ACSS3: variants seen among roughly 807,000 people sequenced by gnomAD.
ACSS3 encodes the protein acyl-CoA synthetase short chain family member 3.
ACSS3 carries 64 observed loss-of-function variants against 84.2 expected under a neutral mutation model. That is an observed-to-expected ratio of 0.76 (90% CI 0.62 to 0.94). The LOEUF (loss-of-function observed/expected upper bound fraction) is 0.94, where lower values mean the gene tolerates loss of function less well. Among genes scored for constraint, ACSS3 ranks in the 40% least tolerant of loss-of-function variants. The pLI is 0.00. For synonymous variants in ACSS3, 317 were observed against 310.1 expected (o/e 1.02, Z -0.23); for missense variants, 815 against 867.6 (o/e 0.94, Z 0.76).
intron 2 of ACSS3, among the ~76,000 whole-genome samples, chr12:81,116,301 A>G (rs1162591132): frequency 6.6e-6 from 1 of 152,108 alleles, no homozygotes; most frequent in Non-Finnish European, 1.5e-5. Flanking sequence ...ATTTTAATAG[A>G]AAGTATAGGG....
intron 13 of ACSS3, among the ~76,000 whole-genome samples, chr12:81,240,727 G>A (rs1593233299): frequency 6.6e-6 from 1 of 151,882 alleles, no homozygotes; most frequent in East Asian, 1.9e-4. Flanking sequence ...TTAACTTGTT[G>A]TGGTGGTTGC....
chr12:81,148,303 A>AACATTT (rs1383044616), intron 5 of ACSS3, among the ~76,000 whole-genome samples: 2 of 152,206 alleles, frequency 1.3e-5, no homozygotes, highest in Non-Finnish European at 2.9e-5. Context: ...AACTGCACAC[A>AACATTT]ACATTTACAC....
At chr12:81,185,914 A>G (rs2031229447) in intron 8 of ACSS3, among the ~76,000 whole-genome samples, 1 of 151,872 alleles carries the variant, frequency 6.6e-6, no homozygotes, top group African/African-American at 2.4e-5. Flanking sequence ...ATTCTGAGAA[A>G]GAACAACAAA....
chr12:81,252,773 G>T (rs936845510), intron 13 of ACSS3, among the ~76,000 whole-genome samples: 4 of 152,038 alleles, frequency 2.6e-5, no homozygotes, highest in African/African-American at 9.7e-5. Context: ...TCCATATCCA[G>T]CCTCTTGCAA....
At chr12:81,085,737 TAA>T (rs1881267200) in intron 1 of ACSS3, among the ~76,000 whole-genome samples, 1 of 152,248 alleles carries the variant, frequency 6.6e-6, no homozygotes, top group South Asian at 2.1e-4. Context: ...ATTTTCACCA[TAA>T]TTGATATTTT....
At chr12:81,104,502 CT>C (rs2121459563) in intron 1 of ACSS3, among the ~76,000 whole-genome samples, 1 of 152,166 alleles carries the variant, frequency 6.6e-6, no homozygotes, top group African/African-American at 2.4e-5. Context: ...TGCCTCCTCC[CT>C]TGGTGGGGTC....
In ACSS3 at chr12:81,121,459, T is replaced by G. The variant is rs76695016; in HGVS notation, c.456+11755T>G. Among the ~76,000 whole-genome samples the G allele has an allele frequency of 2.3e-3, 345 of 152,192 alleles. 1 individual carries two copies. The highest frequency in any genetic ancestry group is 6.8e-3 in the Middle Eastern group (2 of 294). Reference sequence around the variant, plus strand: ...TTCATGAAATAGTGAAGCATATAAATGCTTCATAAAGGCAAAACATTTTTA... The same window carrying G: ...TTCATGAAATAGTGAAGCATATAAAGGCTTCATAAAGGCAAAACATTTTTA... On this transcript the variant is annotated intron_variant, in intron 2 of 15. Transcript: ENST00000548058.
At chr12:81,109,168 C>G (rs1883350407) in intron 1 of ACSS3, among the ~76,000 whole-genome samples, 1 of 152,156 alleles carries the variant, frequency 6.6e-6, no homozygotes, top group Admixed American at 6.6e-5. Flanking sequence ...ACCAAAACTT[C>G]AGTCACACAT....
chr12:81,078,452 C>A, intron 1 of ACSS3, 21 bp downstream of exon 1: 4 of 1,609,758 alleles, frequency 2.5e-6, no homozygotes, highest in South Asian at 2.2e-5. Flanking sequence ...TCTGTGCCAA[C>A]CCTGATCCCC....
chr12:81,182,087 C>T (rs1051596096), intron 8 of ACSS3, among the ~76,000 whole-genome samples: 1 of 152,078 alleles, frequency 6.6e-6, no homozygotes, highest in Non-Finnish European at 1.5e-5. Context: ...ATAGATTAAT[C>T]TAAAGAGGCA....
intron 13 of ACSS3, among the ~76,000 whole-genome samples, chr12:81,248,325 T>A (rs2034047934): frequency 6.6e-6 from 1 of 151,998 alleles, no homozygotes; most frequent in Non-Finnish European, 1.5e-5. Flanking sequence ...AACAGATGAA[T>A]GAAGAAATAA....
intron 2 of ACSS3, among the ~76,000 whole-genome samples, chr12:81,113,350 T>C (rs894597396): frequency 5.3e-5 from 8 of 152,272 alleles, no homozygotes; most frequent in Admixed American, 5.2e-4. Flanking sequence ...TTATGGTCCA[T>C]GTTACCTGAA....
intron 1 of ACSS3, chr12:81,104,629 G>T (rs779373570): frequency 3.9e-5 from 6 of 152,042 alleles, no homozygotes; most frequent in Non-Finnish European, 8.8e-5. Context: ...CAGTCACAAA[G>T]TGCCCTTCTC....
At chr12:81,095,012 A>G (rs1214628496) in intron 1 of ACSS3, among the ~76,000 whole-genome samples, 2 of 152,030 alleles carry the variant, frequency 1.3e-5, no homozygotes, top group Non-Finnish European at 2.9e-5. Context: ...TATCATCAGG[A>G]ATACATGCTT....
chr12:81,077,923 G>A (rs1593008595), upstream of ACSS3: 73 of 572,112 alleles, frequency 1.3e-4, no homozygotes, highest in East Asian at 2.4e-3. Flanking sequence ...CCCTGTCCCG[G>A]GGCCCCCACT....
At chr12:81,133,047 T>C (rs1277120193) in intron 2 of ACSS3, among the ~76,000 whole-genome samples, 2 of 152,104 alleles carry the variant, frequency 1.3e-5, no homozygotes, top group African/African-American at 4.8e-5. Context: ...CTAGCGTCTT[T>C]GAAGTTCTTG....
intron 10 of ACSS3, 92 bp downstream of exon 10, chr12:81,217,088 C>T (rs1363937461): frequency 2.1e-6 from 2 of 939,628 alleles, no homozygotes; most frequent in Non-Finnish European, 3.2e-6. Context: ...AAACTAGGGG[C>T]TTAATTAGAA....
intron 13 of ACSS3, among the ~76,000 whole-genome samples, chr12:81,245,779 G>T (rs1025953092): frequency 2.6e-5 from 4 of 152,056 alleles, no homozygotes; most frequent in Non-Finnish European, 5.9e-5. Flanking sequence ...AAGAAGAATT[G>T]TTTCTGTTAT....
chr12:81,194,416 A>G (rs2135882141), intron 8 of ACSS3, among the ~76,000 whole-genome samples: 1 of 152,072 alleles, frequency 6.6e-6, no homozygotes, highest in South Asian at 2.1e-4. Flanking sequence ...ATTTTAATAC[A>G]AAAATAAATG....
Sources: gnomAD v4.1 joint callset for allele counts (sites outside exome capture counted in the v4.1 genomes callset) on GRCh38, gnomAD v4.1.1 for gene constraint, MANE v1.5 for transcripts, NCBI Gene and HGNC (gene_info 2026-07-23, HGNC 2026-07-21) for gene names.